The following DCHS2 variants were observed in gnomAD, a reference collection of about 807,000 sequenced individuals.
DCHS2 encodes the protein dachsous cadherin-related 2.
In DCHS2, 142 loss-of-function variants were observed where a neutral mutation model predicts 182.4. The observed-to-expected ratio is 0.78, with a 90% CI of 0.68 to 0.89. The LOEUF (loss-of-function observed/expected upper bound fraction) is 0.89. DCHS2 is among the 40% of genes least tolerant of loss of function. DCHS2 has a pLI of 0.00. For missense variants in DCHS2, 4,319 were observed against 4,198.6 expected (o/e 1.03, Z -0.79); for synonymous variants, 1,740 against 1,663.3 (o/e 1.05, Z -1.12).
Position 154,474,263 on chromosome 4 carries a change from G to T in DCHS2, c.2052+15041C>A, listed in dbSNP as rs138172228. Among the ~76,000 whole-genome samples the T allele has an allele frequency of 1.3e-3, 205 of 152,248 alleles. 1 individual carries two copies. The highest frequency in any genetic ancestry group is 6.1e-3 in the Admixed American group (94 of 15,294). On this transcript the variant is annotated intron_variant, in intron 1 of 19. Coordinates refer to ENST00000357232, the MANE Select transcript of DCHS2 (RefSeq NM_001358235.2). Reference sequence around the variant, plus strand: ...CAGAGCGTTAACTTACATCAACAAAGTTCCTATTTCTAAATAAGGTCACAG... The same window carrying T: ...CAGAGCGTTAACTTACATCAACAAATTTCCTATTTCTAAATAAGGTCACAG...
rs67157369 is a variant in DCHS2, at chr4:154,247,635, C to CAAAAAAA, written c.6942-4870_6942-4864dup. On this transcript the variant is annotated intron_variant, in intron 16 of 19. Coordinates refer to ENST00000357232, the MANE Select transcript of DCHS2 (RefSeq NM_001358235.2). ...CTGGGTGAAGAGCAAGACTCCGTCT[C>CAAAAAAA]AAAAAAAAAAAAAAAAAAAAAAAAA... Among the ~76,000 whole-genome samples the CAAAAAAA allele has an allele frequency of 7.4e-4, 74 of 100,106 alleles. 2 individuals are homozygous for CAAAAAAA. Among genetic ancestry groups the CAAAAAAA allele is most frequent in the African/African-American group, 2.6e-3 (64 of 24,714 alleles). The allele number at this position is 100,106 out of a possible 152,430, so 65.7% of individuals were successfully genotyped here.
intron 1 of DCHS2, among the ~76,000 whole-genome samples, chr4:154,423,839 G>T (rs906740468): frequency 3.9e-5 from 6 of 152,132 alleles, no homozygotes; most frequent in African/African-American, 1.4e-4. Flanking sequence ...GTAAAGTGCA[G>T]CTTCTGATTC....
chr4:154,303,768 C>T (rs377591184), intron 12 of DCHS2, among the ~76,000 whole-genome samples: 1 of 152,216 alleles, frequency 6.6e-6, no homozygotes, highest in Admixed American at 6.5e-5. Flanking sequence ...CTTCCACCTT[C>T]ACCGCATTTT....
rs145746369 is a variant in DCHS2, at chr4:154,313,269, C to A, written c.5260+2479G>T. 5.3e-3 allele frequency among the ~76,000 whole-genome samples: 803 copies of A among 152,242 alleles called. 2 individuals are homozygous for A. The highest frequency in any genetic ancestry group is 6.2e-3 in the Non-Finnish European group (423 of 68,012). On this transcript the variant is annotated intron_variant, in intron 10 of 19. Transcript: ENST00000357232. ...CTCTTGTTGATGGCACCAAATGCTGCAGCAGTTTTAATACCTTAGTTAAAA... is the reference window on the plus strand; with the variant it reads ...CTCTTGTTGATGGCACCAAATGCTGAAGCAGTTTTAATACCTTAGTTAAAA...
chr4:154,312,098 C>T (rs1426210923), intron 10 of DCHS2, among the ~76,000 whole-genome samples: 2 of 152,096 alleles, frequency 1.3e-5, no homozygotes, highest in South Asian at 2.1e-4. Context: ...CCTAAGTAGG[C>T]GATGGCTTCA....
intron 1 of DCHS2, among the ~76,000 whole-genome samples, chr4:154,457,870 G>T (rs532062875): frequency 6.6e-6 from 1 of 152,210 alleles, no homozygotes; most frequent in African/African-American, 2.4e-5. Flanking sequence ...TGATGCTGCT[G>T]GTCCAGGGAC....
At chr4:154,357,339 G>A in intron 3 of DCHS2, 1 of 1,560,120 alleles carries the variant, frequency 6.4e-7, no homozygotes, top group Non-Finnish European at 8.8e-7. Context: ...TTAGGGAAAA[G>A]GAGCCAGGCT....
chr4:154,369,491 T>C (rs1730540038), intron 2 of DCHS2, among the ~76,000 whole-genome samples: 1 of 152,220 alleles, frequency 6.6e-6, no homozygotes, highest in Non-Finnish European at 1.5e-5. Flanking sequence ...TTCCCAATGC[T>C]GTGTAGCTAA....
chr4:154,240,429 C>G (rs1448591196), intron 18 of DCHS2, 108 bp downstream of exon 18: 2 of 1,355,044 alleles, frequency 1.5e-6, no homozygotes, highest in Non-Finnish European at 2.0e-6. Context: ...GCACTACAAA[C>G]AGTGAATGCT....
chr4:154,343,679 G>A (rs981524966), intron 3 of DCHS2: 2 of 1,381,166 alleles, frequency 1.4e-6, no homozygotes, highest in Non-Finnish European at 1.9e-6. Context: ...CCTTGCTCTG[G>A]ATTAGGCTTT....
chr4:154,371,185 G>A (rs1294806222), intron 2 of DCHS2, among the ~76,000 whole-genome samples: 12 of 151,890 alleles, frequency 7.9e-5, no homozygotes, highest in Non-Finnish European at 1.5e-5. Flanking sequence ...AAGTGATAAG[G>A]AGGTTTAAGT....
chr4:154,234,644 C>T lies in DCHS2; in HGVS notation c.10008G>A (p.Thr3336=), dbSNP rs750251473. The T allele has an allele frequency of 3.3e-5, 53 of 1,613,868 alleles. No individual in the cohort carries two copies. Among genetic ancestry groups the T allele is most frequent in the Middle Eastern group, 1.6e-4 (1 of 6,080 alleles). Residue 3336 remains threonine (T), a synonymous_variant, in exon 20 of 20, where the codon ACG becomes ACA. Coordinates refer to ENST00000357232, the MANE Select transcript of DCHS2 (RefSeq NM_001358235.2). Reference sequence around the variant, plus strand: ...GTGGAGACAAGGCAGGAGGCTGCATCGTCAATAGGGAAAGAGATGGAGAAA... The same window carrying T: ...GTGGAGACAAGGCAGGAGGCTGCATTGTCAATAGGGAAAGAGATGGAGAAA... The part of the protein sequence containing the change: ...PNFSPSLSLL[T]MQPPALSPLL...
In DCHS2 at chr4:154,321,215, G is replaced by A; in HGVS notation, c.4184C>T (p.Pro1395Leu). 1 of 1,513,786 alleles carries A rather than the reference G, an allele frequency of 6.6e-7. No homozygotes were observed. Among genetic ancestry groups the A allele is most frequent in the South Asian group, 1.4e-5 (1 of 73,692 alleles). 93.8% of individuals were successfully genotyped at this position (1,513,786 alleles called of 1,614,324 possible). Residue 1395 changes from proline to leucine, a missense_variant, in exon 9 of 20, where the codon CCA (proline) becomes CTA (leucine). Coordinates refer to ENST00000357232, the MANE Select transcript of DCHS2 (RefSeq NM_001358235.2). ...GQAVVNIQVI[P>L]LSKGRAIMSQ... ...CATGATTGCTCTCCCTTTGGATAGT[G>A]GGATCACCTGAAATACGAATAAAAG...
Position 154,335,081 on chromosome 4 carries a change from G to T in DCHS2, c.2500C>A (p.Leu834Ile). 1 of 1,610,892 alleles carries T rather than the reference G, an allele frequency of 6.2e-7. No individual in the cohort carries two copies. The highest frequency in any genetic ancestry group is 8.5e-7 in the Non-Finnish European group (1 of 1,177,040). The change falls in exon 4 of 20, where the codon CTT becomes ATT. Residue 834 changes from leucine (L) to isoleucine (I), a missense_variant. By Grantham distance (5) the Leu-to-Ile change is conservative. Coordinates refer to ENST00000357232, the MANE Select transcript of DCHS2 (RefSeq NM_001358235.2). ...TTGIIYLTLPLSHLESTTLSL... is the reference protein window; with the variant it reads ...TTGIIYLTLPISHLESTTLSL... The stretch of plus-strand genomic sequence containing the variant: ...AGTGTGGTAGATTCCAAATGACTAA[G>T]AGGTAATGTTAAGTAAATAATTCCT...
chr4:154,408,803 T>A (rs1232600565), intron 1 of DCHS2, among the ~76,000 whole-genome samples: 1 of 151,832 alleles, frequency 6.6e-6, no homozygotes, highest in Non-Finnish European at 1.5e-5. Context: ...TAGGAGGTAC[T>A]TTTTTTTGCG....
intron 3 of DCHS2, among the ~76,000 whole-genome samples, chr4:154,348,637 A>G (rs1729466765): frequency 6.6e-6 from 1 of 151,950 alleles, no homozygotes; most frequent in African/African-American, 2.4e-5. Flanking sequence ...AGACACAGAA[A>G]AGAAGGACAT....
At position 154,236,550 on chromosome 4, in the gene DCHS2, A is replaced by G. The variant is rs777272140; in HGVS notation, c.8102T>C (p.Ile2701Thr). ...DRDTGSHAEI[I>T]YNIISGNEKG... ...CTCATTTCCAGAGATGATGTTGTAG[A>G]TGATTTCTGCATGTGACCCTGTGTC... is the stretch of plus-strand genomic sequence containing the variant. Residue 2701 changes from isoleucine (I) to threonine (T), a missense_variant, in exon 20 of 20, where the codon ATC (isoleucine) becomes ACC (threonine). By Grantham distance (89) the Ile-to-Thr change is moderately conservative. Transcript: ENST00000357232. 3.7e-6 allele frequency: 6 copies of G among 1,613,872 alleles called. No individual in the cohort carries two copies. The African/African-American group carries it at 4.0e-5, about 11-fold the overall frequency.
chr4:154,345,034 C>T lies in DCHS2; in HGVS notation c.2477-9930G>A, dbSNP rs543024334. Among the ~76,000 whole-genome samples, 3 of 152,284 alleles carry T rather than the reference C, an allele frequency of 2.0e-5. No homozygotes were observed. The East Asian group carries it at 5.8e-4, about 29-fold the overall frequency. On this transcript the variant is annotated intron_variant, in intron 3 of 19. Transcript: ENST00000357232. Reference sequence around the variant, plus strand: ...AGAAGAAAGCATGAAAAAGCCCCTTCTCTCCTCCTCCTGTTGTCCAGTTTC... The same window carrying T: ...AGAAGAAAGCATGAAAAAGCCCCTTTTCTCCTCCTCCTGTTGTCCAGTTTC...
intron 1 of DCHS2, among the ~76,000 whole-genome samples, chr4:154,476,039 A>C (rs1245952427): frequency 6.6e-6 from 1 of 152,222 alleles, no homozygotes; most frequent in African/African-American, 2.4e-5. Context: ...TTTCTCCAAA[A>C]ACAAGAGGAA....
Sources: gnomAD v4.1 joint callset for allele counts (sites outside exome capture counted in the v4.1 genomes callset) on GRCh38, gnomAD v4.1.1 for gene constraint, MANE v1.5 for transcripts, NCBI Gene and HGNC (gene_info 2026-07-23, HGNC 2026-07-21) for gene names.